The following PACSIN2 variants were observed in gnomAD, a reference collection of about 807,000 sequenced individuals.
The protein encoded by PACSIN2 is protein kinase C and casein kinase substrate in neurons protein 2.
PACSIN2 carries 25 observed loss-of-function variants against 63.8 expected under a neutral mutation model. The observed-to-expected ratio is 0.39, with a 90% CI of 0.29 to 0.55. PACSIN2 has a LOEUF of 0.55. Ranked by LOEUF, PACSIN2 falls within the 20% of genes least tolerant of loss-of-function variation. The pLI, the probability that PACSIN2 is intolerant of heterozygous loss-of-function variation, is 0.62. For missense variants in PACSIN2, 518 were observed against 646.9 expected (o/e 0.80, Z 2.16); for synonymous variants, 255 against 256.2 (o/e 1.00, Z 0.05).
At chr22:42,921,143 A>G (rs1415066798) in intron 1 of PACSIN2, among the ~76,000 whole-genome samples, 1 of 151,904 alleles carries the variant, frequency 6.6e-6, no homozygotes, top group East Asian at 1.9e-4. Context: ...GCAGATCATG[A>G]GGTCAGGAGA....
chr22:42,936,009 C>A (rs1409967799), intron 1 of PACSIN2, among the ~76,000 whole-genome samples: 1 of 151,946 alleles, frequency 6.6e-6, no homozygotes, highest in East Asian at 1.9e-4. Context: ...GTCAGGAGAT[C>A]GAGACCATCC....
chr22:43,007,343 G>A (rs1924159433), intron 1 of PACSIN2, among the ~76,000 whole-genome samples: 1 of 151,802 alleles, frequency 6.6e-6, no homozygotes, highest in Non-Finnish European at 1.5e-5. Context: ...AGCCTCCCGA[G>A]TACCTGGGTT....
intron 1 of PACSIN2, among the ~76,000 whole-genome samples, chr22:42,995,628 A>T (rs1480791331): frequency 6.6e-6 from 1 of 152,196 alleles, no homozygotes; most frequent in East Asian, 1.9e-4. Context: ...AATTATTTGG[A>T]AATAAGGATG....
At chr22:42,984,865 C>T (rs1318348229) in intron 1 of PACSIN2, among the ~76,000 whole-genome samples, 2 of 152,180 alleles carry the variant, frequency 1.3e-5, no homozygotes, top group African/African-American at 4.8e-5. Context: ...GAGGCAACTA[C>T]TTACCTGAAA....
chr22:42,971,528 G>A (rs1042232442), intron 1 of PACSIN2, among the ~76,000 whole-genome samples: 2 of 151,986 alleles, frequency 1.3e-5, no homozygotes, highest in Middle Eastern at 3.2e-3. Context: ...AGTGAGGAGC[G>A]TCTCTGCCTG....
Position 42,909,494 on chromosome 22 carries a change from G to C in PACSIN2, c.60+2527C>G, listed in dbSNP as rs779095351. 2.1e-5 allele frequency: 10 copies of C among 470,906 alleles called. No homozygotes were observed. In the East Asian group the frequency reaches 6.9e-4, roughly 33 times the overall value. 29.2% of individuals were successfully genotyped at this position (470,906 alleles called of 1,614,324 possible). On this transcript the variant is annotated intron_variant, in intron 2 of 10. Transcript: ENST00000263246. ...GATCCCAGCAGGCCATCACTGAGCAGTCACTCCGCCACTCAACGAACATCC... is the reference window on the plus strand; with the variant it reads ...GATCCCAGCAGGCCATCACTGAGCACTCACTCCGCCACTCAACGAACATCC...
At chr22:42,877,732 G>A (rs1053965677) in intron 8 of PACSIN2, among the ~76,000 whole-genome samples, 5 of 152,206 alleles carry the variant, frequency 3.3e-5, no homozygotes, top group African/African-American at 1.2e-4. Context: ...GAAGACCACA[G>A]GCAGACCATC....
At chr22:42,982,845 C>A (rs185809912) in intron 1 of PACSIN2, among the ~76,000 whole-genome samples, 9 of 95,172 alleles carry the variant, frequency 9.5e-5, no homozygotes, top group Admixed American at 7.1e-4. Flanking sequence ...TCCCCCTCTG[C>A]GAGAAACACC....
rs2267462 is a variant in PACSIN2, at chr22:42,887,076, C to G, written c.609+1567G>C. ...TCTGGCAAAGGCCCGAGAGTTCTCC[C>G]GGACCTTGTGCTTCTTGAGCCCAGG... is the stretch of plus-strand genomic sequence containing the variant. On this transcript the variant is annotated intron_variant, in intron 5 of 10. Transcript: ENST00000263246. Among the ~76,000 whole-genome samples the G allele has an allele frequency of 3.3e-5, 5 of 152,206 alleles. No homozygotes were observed. In the South Asian group the frequency reaches 1.0e-3, roughly 32 times the overall value.
intron 1 of PACSIN2, among the ~76,000 whole-genome samples, chr22:43,004,637 A>G (rs1923975780): frequency 6.6e-6 from 1 of 152,220 alleles, no homozygotes; most frequent in Admixed American, 6.5e-5. Context: ...AATTTAATAT[A>G]ATGAAAGACA....
At chr22:42,883,802 G>A (rs748796039) in intron 6 of PACSIN2, among the ~76,000 whole-genome samples, 62 of 152,164 alleles carry the variant, frequency 4.1e-4, no homozygotes, top group Middle Eastern at 3.4e-3. Flanking sequence ...TCAAGAGATC[G>A]AGACCATCCT....
chr22:42,989,502 CA>C (rs11340150), intron 1 of PACSIN2, among the ~76,000 whole-genome samples: 84,496 of 139,246 alleles, frequency 0.61, 25,030 homozygotes, highest in East Asian at 0.78. Context: ...CCATCCCCCT[CA>C]AAAAAAAAAA....
chr22:42,903,033 C>T (rs970430965), intron 2 of PACSIN2, among the ~76,000 whole-genome samples: 2 of 152,242 alleles, frequency 1.3e-5, no homozygotes, highest in African/African-American at 2.4e-5. Flanking sequence ...CAACTCCCGG[C>T]GCTTCTGCCG....
chr22:42,883,471 G>A (rs1338468837), intron 6 of PACSIN2, among the ~76,000 whole-genome samples: 2 of 152,210 alleles, frequency 1.3e-5, no homozygotes, highest in East Asian at 1.9e-4. Flanking sequence ...AGTAATCCAC[G>A]TCCTTGACTT....
chr22:42,917,272 C>T (rs113020492), intron 1 of PACSIN2, among the ~76,000 whole-genome samples: 1 of 152,246 alleles, frequency 6.6e-6, no homozygotes, highest in African/African-American at 2.4e-5. Flanking sequence ...TCTTAACCAC[C>T]TCAGTGCTGA....
At position 42,936,030 on chromosome 22, in the gene PACSIN2, G is replaced by A. The variant is rs967340947; in HGVS notation, c.-77-23873C>T. On this transcript the variant is annotated intron_variant, in intron 1 of 10. Coordinates refer to ENST00000263246, the MANE Select transcript of PACSIN2 (RefSeq NM_001184970.3). ...AGATCGAGACCATCCTGGCTAACAC[G>A]GTGAAACCCCGTCTCTACTAAAAAA... Among the ~76,000 whole-genome samples, 9 of 151,936 alleles carry A rather than the reference G, an allele frequency of 5.9e-5. No individual in the cohort carries two copies. In the East Asian group the frequency reaches 1.2e-3, roughly 20 times the overall value.
At chr22:42,923,620 G>C (rs555420680) in intron 1 of PACSIN2, among the ~76,000 whole-genome samples, 1 of 152,244 alleles carries the variant, frequency 6.6e-6, no homozygotes, top group Non-Finnish European at 1.5e-5. Context: ...GTAGAGACGG[G>C]GTTTCACCGT....
At chr22:42,883,731 T>G (rs1048080624) in intron 6 of PACSIN2, among the ~76,000 whole-genome samples, 2 of 152,102 alleles carry the variant, frequency 1.3e-5, no homozygotes, top group Non-Finnish European at 2.9e-5. Flanking sequence ...TGCGGCCAGG[T>G]GCGGTGGCTC....
intron 1 of PACSIN2, among the ~76,000 whole-genome samples, chr22:43,001,320 C>A (rs1217346114): frequency 6.6e-6 from 1 of 152,216 alleles, no homozygotes; most frequent in African/African-American, 2.4e-5. Context: ...CTGCCAGAAC[C>A]TTCACCACAC....
Sources: allele counts gnomAD v4.1 joint callset (sites outside exome capture counted in the v4.1 genomes callset), GRCh38; gene constraint gnomAD v4.1.1; transcripts MANE v1.5; gene names NCBI Gene and HGNC (gene_info 2026-07-23, HGNC 2026-07-21).